The following ARHGAP24 variants were observed in gnomAD, a reference collection of about 807,000 sequenced individuals.
ARHGAP24 encodes the protein Rho GTPase activating protein 24, also known as rho GTPase-activating protein 24.
ARHGAP24 carries 50 observed loss-of-function variants against 76.4 expected under a neutral mutation model. That is an observed-to-expected ratio of 0.65 (90% CI 0.52 to 0.83). The LOEUF (loss-of-function observed/expected upper bound fraction) is 0.83. Among genes scored for constraint, ARHGAP24 ranks in the 40% least tolerant of loss-of-function variants. The pLI is 0.00. For missense variants in ARHGAP24, 930 were observed against 914.2 expected (o/e 1.02, Z -0.22); for synonymous variants, 345 against 323.3 (o/e 1.07, Z -0.72).
intron 3 of ARHGAP24, among the ~76,000 whole-genome samples, chr4:85,810,900 C>G (rs1298416850): frequency 5.3e-5 from 8 of 152,070 alleles, no homozygotes; most frequent in Non-Finnish European, 1.0e-4. Context: ...AGCAACATGT[C>G]CATTAATCAA....
chr4:85,777,285 A>G (rs1727342784), intron 3 of ARHGAP24, among the ~76,000 whole-genome samples: 1 of 152,214 alleles, frequency 6.6e-6, no homozygotes, highest in Non-Finnish European at 1.5e-5. Flanking sequence ...AGAACAGGGC[A>G]AGAGTAGATG....
At chr4:85,508,361 A>C (rs1724144751) in intron 1 of ARHGAP24, among the ~76,000 whole-genome samples, 2 of 152,244 alleles carry the variant, frequency 1.3e-5, no homozygotes, top group African/African-American at 4.8e-5. Context: ...ACATTAACAA[A>C]GGAAGATACC....
chr4:85,693,153 G>T (rs1723733451), intron 2 of ARHGAP24, among the ~76,000 whole-genome samples: 1 of 152,172 alleles, frequency 6.6e-6, no homozygotes, highest in African/African-American at 2.4e-5. Flanking sequence ...AAACTTGGCA[G>T]CTGGGCTGCT....
chr4:85,839,233 CAT>C, intron 3 of ARHGAP24, among the ~76,000 whole-genome samples: 1 of 152,186 alleles, frequency 6.6e-6, no homozygotes, highest in East Asian at 1.9e-4. Context: ...TGCGGCTTAA[CAT>C]AGCCCTTGCT....
chr4:85,598,603 A>G (rs1175949357), intron 2 of ARHGAP24, among the ~76,000 whole-genome samples: 2 of 152,110 alleles, frequency 1.3e-5, no homozygotes, highest in African/African-American at 4.8e-5. Context: ...AATAGGATCA[A>G]TAAAGGAATT....
At chr4:85,972,245 T>C in intron 6 of ARHGAP24, 77 bp downstream of exon 6, 1 of 1,581,960 alleles carries the variant, frequency 6.3e-7, no homozygotes. Flanking sequence ...AATCTGTAAA[T>C]TTCCATTGCC....
chr4:85,769,378 A>C (rs1388877546), intron 3 of ARHGAP24, among the ~76,000 whole-genome samples: 2 of 152,144 alleles, frequency 1.3e-5, no homozygotes, highest in African/African-American at 4.8e-5. Flanking sequence ...GGGTTTAAGG[A>C]TGGAGATTTT....
At chr4:85,734,449 A>G (rs1725528362) in intron 3 of ARHGAP24, among the ~76,000 whole-genome samples, 1 of 152,120 alleles carries the variant, frequency 6.6e-6, no homozygotes, top group Non-Finnish European at 1.5e-5. Flanking sequence ...TTTAAATACA[A>G]CTGTTATGCA....
At chr4:85,621,241 G>C (rs1489337441) in intron 2 of ARHGAP24, among the ~76,000 whole-genome samples, 1 of 152,092 alleles carries the variant, frequency 6.6e-6, no homozygotes, top group Non-Finnish European at 1.5e-5. Flanking sequence ...ACTAGTACAA[G>C]TGTCTTTTGG....
intron 5 of ARHGAP24, among the ~76,000 whole-genome samples, chr4:85,968,296 G>A (rs549540475): frequency 6.6e-6 from 1 of 152,242 alleles, no homozygotes; most frequent in South Asian, 2.1e-4. Context: ...GATGTTTGCA[G>A]ATGTGTTGTT....
intron 2 of ARHGAP24, among the ~76,000 whole-genome samples, chr4:85,715,472 A>G (rs1724697682): frequency 6.6e-6 from 1 of 152,070 alleles, no homozygotes; most frequent in African/African-American, 2.4e-5. Context: ...TTAGCTAACA[A>G]TGATGCCATG....
At chr4:85,659,581 A>G (rs1193102171) in intron 2 of ARHGAP24, among the ~76,000 whole-genome samples, 1 of 152,172 alleles carries the variant, frequency 6.6e-6, no homozygotes, top group Non-Finnish European at 1.5e-5. Flanking sequence ...TAGTTCTATT[A>G]CACTATTTGG....
chr4:85,614,459 C>T (rs1007660487), intron 2 of ARHGAP24, among the ~76,000 whole-genome samples: 1 of 152,020 alleles, frequency 6.6e-6, no homozygotes, highest in African/African-American at 2.4e-5. Context: ...TGGGTATCCA[C>T]ATGTACCTCC....
chr4:85,794,577 G>C (rs1728267217), intron 3 of ARHGAP24, among the ~76,000 whole-genome samples: 1 of 152,044 alleles, frequency 6.6e-6, no homozygotes, highest in Non-Finnish European at 1.5e-5. Context: ...CCGCTTCCTG[G>C]GTTCAAGAAA....
intron 3 of ARHGAP24, among the ~76,000 whole-genome samples, chr4:85,921,529 T>TTTA (rs1359181765): frequency 8.6e-6 from 1 of 116,832 alleles, no homozygotes; most frequent in Non-Finnish European, 1.8e-5. Flanking sequence ...TCCCTGAACT[T>TTTA]AAAATAAAAG....
chr4:85,497,729 A>C (rs898675064), intron 1 of ARHGAP24, among the ~76,000 whole-genome samples: 4 of 152,200 alleles, frequency 2.6e-5, no homozygotes, highest in Non-Finnish European at 5.9e-5. Context: ...ATGAGGCAGG[A>C]GAATTGCTTG....
chr4:86,001,686 T>C lies in ARHGAP24; in HGVS notation c.*964T>C, dbSNP rs567807354. ...TCTCCCATCTCCCAACAACTGCACTTTAGAATACCAGCAGTGAAATGGTAT... is the reference window on the plus strand; with the variant it reads ...TCTCCCATCTCCCAACAACTGCACTCTAGAATACCAGCAGTGAAATGGTAT... On this transcript the variant is annotated 3_prime_UTR_variant, in exon 10 of 10. Transcript: ENST00000395184. The C allele has an allele frequency of 5.5e-6, 2 of 362,636 alleles. No homozygotes were observed. Among genetic ancestry groups the C allele is most frequent in the East Asian group, 8.0e-5 (2 of 24,988 alleles). 22.5% of individuals were successfully genotyped at this position (362,636 alleles called of 1,614,324 possible). A position where few individuals can be genotyped will look rare whatever the true frequency, so the allele number is the denominator to read the frequency against.
chr4:85,614,943 T>C (rs909605370), intron 2 of ARHGAP24, among the ~76,000 whole-genome samples: 3 of 152,062 alleles, frequency 2.0e-5, no homozygotes, highest in African/African-American at 7.2e-5. Context: ...TTTATTGAAA[T>C]GTAATTTGAC....
At position 85,995,149 on chromosome 4, in the gene ARHGAP24, C is replaced by T. The variant is rs1578481462; in HGVS notation, c.1495C>T (p.Arg499Ter). 1.9e-6 allele frequency: 3 copies of T among 1,613,954 alleles called. No homozygotes were observed. Among genetic ancestry groups the T allele is most frequent in the Non-Finnish European group, 2.5e-6 (3 of 1,180,018 alleles). The change falls in exon 9 of 10, where the codon CGA becomes TGA. Residue 499 changes from arginine to a stop codon, truncating the protein, a stop_gained. Coordinates refer to ENST00000395184, the MANE Select transcript of ARHGAP24 (RefSeq NM_001025616.3). LOFTEE classifies it high-confidence loss of function. ...SDTLGNPTNV[R>*]NMSWLPNGYV... is the part of the protein sequence containing the mutation. ...CACACTCGGGAACCCCACAAATGTT[C>T]GAAACATGAGCTGGCTGCCAAATGG...
Sources: gnomAD v4.1 joint callset for allele counts (sites outside exome capture counted in the v4.1 genomes callset) on GRCh38, gnomAD v4.1.1 for gene constraint, MANE v1.5 for transcripts, NCBI Gene and HGNC (gene_info 2026-07-23, HGNC 2026-07-21) for gene names.